IMPG2: variants seen among roughly 807,000 people sequenced by gnomAD.
IMPG2 encodes interphotoreceptor matrix proteoglycan 2.
In IMPG2, 91 loss-of-function variants were observed where a neutral mutation model predicts 129.2. The ratio of observed to expected loss-of-function variants is 0.70; its 90% CI spans 0.59 to 0.84. The LOEUF (loss-of-function observed/expected upper bound fraction) is 0.84. Among genes scored for constraint, IMPG2 ranks in the 40% least tolerant of loss-of-function variants. IMPG2 has a pLI of 0.00. For synonymous variants in IMPG2, 510 were observed against 517.7 expected (o/e 0.99, Z 0.20); for missense variants, 1,430 against 1,461.7 (o/e 0.98, Z 0.35).
Position 101,275,765 on chromosome 3 carries a change from C to T in IMPG2, c.584-20G>A. 1.3e-6 allele frequency: 2 copies of T among 1,562,470 alleles called. No individual in the cohort carries two copies. Among genetic ancestry groups the T allele is most frequent in the Non-Finnish European group, 1.8e-6 (2 of 1,132,994 alleles). ...TAGTGTCTAAGAAGAAAAGCAAAAA[C>T]ATATGCATGAATTCAGTCCTCGATT... On this transcript the variant is annotated intron_variant, in intron 5 of 18. Transcript: ENST00000193391.
intron 9 of IMPG2, among the ~76,000 whole-genome samples, chr3:101,264,455 T>A (rs1371982679): frequency 6.6e-6 from 1 of 152,072 alleles, no homozygotes; most frequent in Non-Finnish European, 1.5e-5. Context: ...AAAAACCATA[T>A]GATCATCATA....
chr3:101,233,119 C>A, intron 14 of IMPG2, 128 bp from the exon 15 acceptor site: 3 of 788,550 alleles, frequency 3.8e-6, no homozygotes, highest in Non-Finnish European at 4.3e-6. Context: ...TTAAAGTACA[C>A]CATCGCCACC....
At chr3:101,265,900 A>G (rs921152153) in intron 9 of IMPG2, among the ~76,000 whole-genome samples, 6 of 152,218 alleles carry the variant, frequency 3.9e-5, no homozygotes, top group African/African-American at 1.4e-4. Context: ...TGATATGAAT[A>G]GACATTTCTC....
chr3:101,244,310 G>A lies in IMPG2; in HGVS notation c.2021C>T (p.Thr674Ile), dbSNP rs571391. The A allele has an allele frequency of 0.65, 1,049,626 of 1,613,584 alleles. 342,976 individuals are homozygous for A. The highest frequency in any genetic ancestry group is 0.72 in the Admixed American group (42,979 of 59,968). Residue 674 changes from threonine to isoleucine, a missense_variant, in exon 13 of 19, where the codon ACA becomes ATA. By Grantham distance (89) the Thr-to-Ile change is moderately conservative. Coordinates refer to ENST00000193391, the MANE Select transcript of IMPG2 (RefSeq NM_016247.4). ...AAGAGGCTCTTCCTCTGGAAAGTGT[G>A]TGGATCTGTCATCATGTTCATATTT... Reference protein sequence around the residue: ...HSKYEHDDRSTHFPEEEPLSG... With the variant: ...HSKYEHDDRSIHFPEEEPLSG...
intron 18 of IMPG2, chr3:101,227,981 T>G: frequency 2.6e-6 from 1 of 387,564 alleles, no homozygotes; most frequent in South Asian, 1.9e-5. Flanking sequence ...GATTTTTCTC[T>G]TCTAAAAGCC....
intron 7 of IMPG2, among the ~76,000 whole-genome samples, chr3:101,271,415 A>G (rs916460978): frequency 6.6e-6 from 1 of 152,246 alleles, no homozygotes; most frequent in Non-Finnish European, 1.5e-5. Context: ...GCATGAAGTC[A>G]TTCGACTTCA....
intron 2 of IMPG2, among the ~76,000 whole-genome samples, chr3:101,312,932 G>A (rs1393581493): frequency 6.6e-6 from 1 of 152,060 alleles, no homozygotes; most frequent in Non-Finnish European, 1.5e-5. Flanking sequence ...CTGGGAAGAG[G>A]GGGAAGGGAG....
intron 4 of IMPG2, among the ~76,000 whole-genome samples, chr3:101,288,739 T>C (rs1559654352): frequency 6.6e-6 from 1 of 152,078 alleles, no homozygotes; most frequent in Non-Finnish European, 1.5e-5. Flanking sequence ...ACATATTGGG[T>C]ACTATGCTCA....
chr3:101,255,591 G>A (rs928513535), intron 10 of IMPG2, among the ~76,000 whole-genome samples: 2 of 152,010 alleles, frequency 1.3e-5, no homozygotes, highest in Admixed American at 6.6e-5. Flanking sequence ...ACTCCCTTAG[G>A]TCATGATCTC....
intron 9 of IMPG2, among the ~76,000 whole-genome samples, chr3:101,267,146 T>C (rs1015438085): frequency 1.3e-5 from 2 of 152,194 alleles, no homozygotes; most frequent in Non-Finnish European, 2.9e-5. Flanking sequence ...TTACATTTTT[T>C]AATAGTTGAA....
At position 101,253,138 on chromosome 3, in the gene IMPG2, T is replaced by C. The variant is rs550340274; in HGVS notation, c.1239+558A>G. ...TGGGTGGTAAGAACAAAAAGGAAAG[T>C]TCATCCCATGCTGTTTCTATGCAAG... On this transcript the variant is annotated intron_variant, in intron 11 of 18. Transcript: ENST00000193391. Among the ~76,000 whole-genome samples the C allele has an allele frequency of 4.1e-4, 62 of 152,204 alleles. No individual in the cohort carries two copies. The South Asian group carries it at 0.012, about 30-fold the overall frequency.
rs1268138341 is a variant in IMPG2, at chr3:101,319,688, A to T, written c.230T>A (p.Ile77Asn). The change falls in exon 2 of 19, where the codon ATC becomes AAC. Residue 77 changes from isoleucine to asparagine, a missense_variant. Transcript: ENST00000193391. ...DRRETERQWL[I>N]RRRRSILFPN... ...AAACAGAATAGATCTCCGCCTTCTG[A>T]TTAACCACTGTCTTTCAGTTTCTCT... The T allele has an allele frequency of 2.5e-5, 41 of 1,613,752 alleles. No homozygotes were observed. The highest frequency in any genetic ancestry group is 3.3e-5 in the Non-Finnish European group (39 of 1,179,836).
At chr3:101,307,288 T>C (rs773746930) in intron 2 of IMPG2, among the ~76,000 whole-genome samples, 3 of 152,250 alleles carry the variant, frequency 2.0e-5, no homozygotes, top group Non-Finnish European at 4.4e-5. Context: ...GAATGTATAA[T>C]AGTATAACCA....
chr3:101,227,867 A>G, intron 18 of IMPG2: 1 of 456,268 alleles, frequency 2.2e-6, no homozygotes, highest in Non-Finnish European at 4.4e-6. Flanking sequence ...GCCACCTATC[A>G]GAGAAAAAGA....
intron 17 of IMPG2, 74 bp downstream of exon 17, chr3:101,229,306 A>ACCCCCCACCCCCCTCTTCCCCAC: frequency 2.8e-6 from 1 of 362,594 alleles, no homozygotes; most frequent in Non-Finnish European, 5.5e-6. Context: ...ACACACCCCC[A>ACCCCCCACCCCCCTCTTCCCCAC]CCCACCACCC....
chr3:101,234,973 A>G (rs1706330248), intron 14 of IMPG2, among the ~76,000 whole-genome samples: 2 of 152,224 alleles, frequency 1.3e-5, no homozygotes, highest in Non-Finnish European at 2.9e-5. Flanking sequence ...GCCTTTACAT[A>G]ATGAGATATC....
chr3:101,262,069 CTGTT>C (rs1052810551), intron 9 of IMPG2, among the ~76,000 whole-genome samples: 5 of 152,210 alleles, frequency 3.3e-5, no homozygotes, highest in Admixed American at 6.5e-5. Flanking sequence ...CCCTGATTGA[CTGTT>C]TGATGCATAT....
At chr3:101,234,249 A>G (rs976549992) in intron 14 of IMPG2, among the ~76,000 whole-genome samples, 4 of 151,224 alleles carry the variant, frequency 2.6e-5, no homozygotes, top group Non-Finnish European at 4.4e-5. Context: ...AGACAGAAAC[A>G]CACAGGAAAC....
Position 101,253,827 on chromosome 3 carries a change from T to G in IMPG2, c.1154-46A>C. ...AAGAACATTTTTAGATGAGGCCCTA[T>G]TGTATTTGAGGTGCAGGGACAACTG... On this transcript the variant is annotated intron_variant, in intron 10 of 18. Transcript: ENST00000193391. 2.2e-6 allele frequency: 3 copies of G among 1,358,712 alleles called. No homozygotes were observed. In the South Asian group the frequency reaches 3.6e-5, roughly 16 times the overall value. 84.2% of individuals were successfully genotyped at this position (1,358,712 alleles called of 1,614,324 possible).
Sources: gnomAD v4.1 joint callset for allele counts (sites outside exome capture counted in the v4.1 genomes callset) on GRCh38, gnomAD v4.1.1 for gene constraint, MANE v1.5 for transcripts, NCBI Gene and HGNC (gene_info 2026-07-23, HGNC 2026-07-21) for gene names.